The following CYP20A1 variants were observed in gnomAD, a reference collection of about 807,000 sequenced individuals.
The protein encoded by CYP20A1 is cytochrome P450 20A1.
A neutral mutation model predicts 61.4 loss-of-function variants in CYP20A1; 61 were observed. The observed-to-expected ratio is 0.99, with a 90% confidence interval of 0.81 to 1.23. The LOEUF (loss-of-function observed/expected upper bound fraction) is 1.23. Ranked by LOEUF, CYP20A1 falls within the 50% of genes most tolerant of loss-of-function variation. The pLI, the probability that CYP20A1 is intolerant of heterozygous loss-of-function variation, is 0.00. For missense variants in CYP20A1, 530 were observed against 542.4 expected, an observed-to-expected ratio of 0.98 and a Z score of 0.23; for synonymous variants, 193 against 188.2, an observed-to-expected ratio of 1.03 and a Z score of -0.21.
intron 7 of CYP20A1, among the ~76,000 whole-genome samples, chr2:203,279,545 C>T (rs2067961331): frequency 2.0e-5 from 3 of 152,116 alleles, no homozygotes; most frequent in African/African-American, 7.2e-5. Flanking sequence ...CACACCTCTT[C>T]ATTGTAGGAA....
At chr2:203,258,498 C>T (rs564704807) in intron 4 of CYP20A1, among the ~76,000 whole-genome samples, 1 of 152,098 alleles carries the variant, frequency 6.6e-6, no homozygotes, top group East Asian at 1.9e-4. Context: ...CTGACTTTCT[C>T]AGTCCACTGT....
intron 8 of CYP20A1, among the ~76,000 whole-genome samples, chr2:203,282,802 C>T (rs948817127): frequency 6.6e-5 from 10 of 152,150 alleles, no homozygotes; most frequent in African/African-American, 2.4e-4. Context: ...GCATTTTCCT[C>T]CTTTTCTAAA....
intron 1 of CYP20A1, among the ~76,000 whole-genome samples, chr2:203,245,186 C>T (rs577976865): frequency 1.3e-5 from 2 of 150,904 alleles, no homozygotes; most frequent in Admixed American, 1.3e-4. Flanking sequence ...GCCACCACGC[C>T]CGGCTAATTT....
chr2:203,272,755 T>C lies in CYP20A1; in HGVS notation c.679+7T>C, dbSNP rs754244689. The C allele has an allele frequency of 1.3e-6, 2 of 1,569,186 alleles. No homozygotes were observed. Among genetic ancestry groups the C allele is most frequent in the Non-Finnish European group, 8.7e-7 (1 of 1,152,086 alleles). On this transcript the variant is annotated splice_region_variant and intron_variant, in intron 6 of 12. Transcript: ENST00000356079. Reference sequence around the variant, plus strand: ...AAAAAACAATATGAAGATGGTAAGTTTGGTCACTTAATTTTTAGTGAGGAC... The same window carrying C: ...AAAAAACAATATGAAGATGGTAAGTCTGGTCACTTAATTTTTAGTGAGGAC...
chr2:203,266,285 A>T (rs1479407138), intron 4 of CYP20A1, among the ~76,000 whole-genome samples: 3 of 151,834 alleles, frequency 2.0e-5, no homozygotes, highest in Non-Finnish European at 2.9e-5. Context: ...TATTGTCGTG[A>T]TAGTGGTTCT....
chr2:203,274,073 A>G (rs1471841295), intron 6 of CYP20A1, among the ~76,000 whole-genome samples: 1 of 152,136 alleles, frequency 6.6e-6, no homozygotes, highest in Non-Finnish European at 1.5e-5. Context: ...AAAAATAGCA[A>G]TTTTAATGTA....
chr2:203,279,466 G>A (rs184490542), intron 7 of CYP20A1, among the ~76,000 whole-genome samples: 2 of 152,194 alleles, frequency 1.3e-5, no homozygotes, highest in African/African-American at 4.8e-5. Context: ...AGTGTGGCTT[G>A]TTGACAATAC....
At chr2:203,290,018 GCA>G (rs2068467568) in intron 10 of CYP20A1, 142 bp downstream of exon 10, 2 of 333,028 alleles carry the variant, frequency 6.0e-6, no homozygotes, top group Non-Finnish European at 5.6e-6. Context: ...TTGGCTCACT[GCA>G]ACCTCCACCT....
chr2:203,258,995 C>A (rs184503532), intron 4 of CYP20A1, among the ~76,000 whole-genome samples: 3 of 152,136 alleles, frequency 2.0e-5, no homozygotes, highest in South Asian at 2.1e-4. Flanking sequence ...GCACCTTTTT[C>A]TTTTCAATAA....
At chr2:203,260,943 C>T (rs1207977672) in intron 4 of CYP20A1, among the ~76,000 whole-genome samples, 1 of 152,108 alleles carries the variant, frequency 6.6e-6, no homozygotes, top group Non-Finnish European at 1.5e-5. Context: ...ATTCATAGTG[C>T]TTTCTCTCTC....
At chr2:203,254,886 G>A (rs2066837284) in intron 4 of CYP20A1, among the ~76,000 whole-genome samples, 1 of 151,928 alleles carries the variant, frequency 6.6e-6, no homozygotes, top group Non-Finnish European at 1.5e-5. Context: ...AGCTACTTAG[G>A]ATGTTGAGGC....
intron 4 of CYP20A1, among the ~76,000 whole-genome samples, chr2:203,265,735 G>T (rs2067297307): frequency 6.6e-6 from 1 of 152,154 alleles, no homozygotes; most frequent in African/African-American, 2.4e-5. Context: ...CTTTCACCCA[G>T]GCTGGAGTGC....
chr2:203,278,871 A>G (rs1395841640), intron 7 of CYP20A1, among the ~76,000 whole-genome samples, 183 bp downstream of exon 7: 1 of 152,210 alleles, frequency 6.6e-6, no homozygotes, highest in East Asian at 1.9e-4. Flanking sequence ...ATAATCACAC[A>G]TATATACAGT....
At chr2:203,293,715 T>G (rs536698141) in intron 11 of CYP20A1, among the ~76,000 whole-genome samples, 1 of 152,094 alleles carries the variant, frequency 6.6e-6, no homozygotes, top group African/African-American at 2.4e-5. Context: ...CCCCACCGTT[T>G]CCCCCAAGTC....
intron 4 of CYP20A1, among the ~76,000 whole-genome samples, chr2:203,265,907 T>C (rs1008680962): frequency 6.6e-6 from 1 of 152,140 alleles, no homozygotes; most frequent in African/African-American, 2.4e-5. Flanking sequence ...GCCAGGCTGG[T>C]CTCAACTCCT....
chr2:203,263,588 C>T (rs954105801), intron 4 of CYP20A1, among the ~76,000 whole-genome samples: 1 of 152,094 alleles, frequency 6.6e-6, no homozygotes, highest in African/African-American at 2.4e-5. Flanking sequence ...GCTCCCGGCC[C>T]GTATGCAAGT....
intron 4 of CYP20A1, among the ~76,000 whole-genome samples, chr2:203,259,083 A>G (rs1204212466): frequency 6.6e-6 from 1 of 152,094 alleles, no homozygotes; most frequent in Non-Finnish European, 1.5e-5. Flanking sequence ...ATCTTTTATC[A>G]CAGGCTCTGT....
chr2:203,286,275 C>T (rs1189489200), intron 9 of CYP20A1, among the ~76,000 whole-genome samples: 1 of 152,136 alleles, frequency 6.6e-6, no homozygotes, highest in Non-Finnish European at 1.5e-5. Flanking sequence ...GAGCAAGACC[C>T]TGTCTCAAAA....
chr2:203,272,244 G>C (rs1002178358), intron 5 of CYP20A1, among the ~76,000 whole-genome samples: 4 of 152,066 alleles, frequency 2.6e-5, no homozygotes, highest in African/African-American at 7.2e-5. Context: ...TATTAGATTT[G>C]TTGGTGAGGA....
Sources: gnomAD v4.1 joint callset for allele counts (sites outside exome capture counted in the v4.1 genomes callset) on GRCh38, gnomAD v4.1.1 for gene constraint, MANE v1.5 for transcripts, NCBI Gene and HGNC (gene_info 2026-07-23, HGNC 2026-07-21) for gene names.